The following SGCZ variants were observed in gnomAD, a reference collection of about 807,000 sequenced individuals.
SGCZ encodes the protein sarcoglycan zeta.
A neutral mutation model predicts 41.3 loss-of-function variants in SGCZ; 40 were observed. The observed-to-expected ratio is 0.97, with a 90% confidence interval of 0.75 to 1.26. The LOEUF (loss-of-function observed/expected upper bound fraction) is 1.26, where lower values mean the gene tolerates loss of function less well. Ranked by LOEUF, SGCZ falls within the 50% of genes most tolerant of loss-of-function variation. SGCZ has a pLI of 0.00. For missense variants in SGCZ, 552 were observed against 369.8 expected, an observed-to-expected ratio of 1.49 and a Z score of -4.04; for synonymous variants, 206 against 137.5, an observed-to-expected ratio of 1.50 and a Z score of -3.49.
intron 2 of SGCZ, among the ~76,000 whole-genome samples, chr8:14,491,357 C>G (rs2117029993): frequency 6.6e-6 from 1 of 151,568 alleles, no homozygotes; most frequent in South Asian, 2.1e-4. Context: ...AGGGATCTCT[C>G]AGTGTATTAC....
intron 1 of SGCZ, among the ~76,000 whole-genome samples, chr8:15,066,810 G>T (rs1386921107): frequency 6.6e-6 from 1 of 152,112 alleles, no homozygotes; most frequent in Non-Finnish European, 1.5e-5. Context: ...CAGAAAAGTT[G>T]ACACTAAGCC....
chr8:15,050,645 C>T (rs368680295), intron 1 of SGCZ, among the ~76,000 whole-genome samples: 1 of 152,200 alleles, frequency 6.6e-6, no homozygotes, highest in East Asian at 1.9e-4. Context: ...TGGAGGTCAA[C>T]CTTTCATCAG....
chr8:14,512,025 T>A lies in SGCZ; in HGVS notation c.234+42707A>T, dbSNP rs928622540. ...TTAGGGTTTTAAACATAGGGCAACATTCTTGGATGTGAAATTTTCTAGACT... is the reference window on the plus strand; with the variant it reads ...TTAGGGTTTTAAACATAGGGCAACAATCTTGGATGTGAAATTTTCTAGACT... On this transcript the variant is annotated intron_variant, in intron 2 of 7. Transcript: ENST00000382080. Among the ~76,000 whole-genome samples the A allele has an allele frequency of 2.0e-5, 3 of 152,172 alleles. No homozygotes were observed. The South Asian group carries it at 6.2e-4, about 32-fold the overall frequency.
chr8:14,789,144 T>C (rs2130462184), intron 1 of SGCZ, among the ~76,000 whole-genome samples: 1 of 152,222 alleles, frequency 6.6e-6, no homozygotes, highest in Admixed American at 6.5e-5. Context: ...CTGTTGTGTT[T>C]ACAAACACTG....
chr8:14,148,084 G>A (rs1055629868), intron 5 of SGCZ, among the ~76,000 whole-genome samples: 1 of 151,948 alleles, frequency 6.6e-6, no homozygotes, highest in Non-Finnish European at 1.5e-5. Context: ...ATAGATATAA[G>A]TGCCTTTATC....
rs142604801 is a variant in SGCZ at position 14,305,166 on chromosome 8, G to A, written c.336+18937C>T. ...ATTTTAATATAACATTAAGTCAAAT[G>A]TTAAGTCTTTATAGGGCAATCAATG... On this transcript the variant is annotated intron_variant, in intron 3 of 7. Coordinates refer to ENST00000382080, the MANE Select transcript of SGCZ (RefSeq NM_139167.4). Among the ~76,000 whole-genome samples, 1,079 of 152,164 alleles carry A rather than the reference G, an allele frequency of 7.1e-3. 16 individuals are homozygous for A. Among genetic ancestry groups the A allele is most frequent in the African/African-American group, 0.025 (1,029 of 41,528 alleles).
rs531230834 is a variant in SGCZ at position 14,762,032 on chromosome 8, G to A, written c.40-207106C>T. 2.8e-4 allele frequency among the ~76,000 whole-genome samples: 42 copies of A among 152,300 alleles called. No individual in the cohort carries two copies. In the Middle Eastern group the frequency reaches 0.01, roughly 37 times the overall value. On this transcript the variant is annotated intron_variant, in intron 1 of 7. Coordinates refer to ENST00000382080, the MANE Select transcript of SGCZ (RefSeq NM_139167.4). ...AATGGAAAGTTTTTCTCAGGTGACA[G>A]TAGGTGTTGTGAATGAATAGCAAAT...
At chr8:14,311,854 T>G (rs1801556647) in intron 3 of SGCZ, among the ~76,000 whole-genome samples, 1 of 152,172 alleles carries the variant, frequency 6.6e-6, no homozygotes, top group Non-Finnish European at 1.5e-5. Context: ...ACTGGGCACT[T>G]AATATATAAG....
At chr8:15,154,481 G>A (rs756705240) in intron 1 of SGCZ, among the ~76,000 whole-genome samples, 4 of 152,200 alleles carry the variant, frequency 2.6e-5, no homozygotes, top group Non-Finnish European at 5.9e-5. Flanking sequence ...AGGGTCACCA[G>A]AGAGGGGACA....
At chr8:14,319,817 A>G (rs370436653) in intron 3 of SGCZ, among the ~76,000 whole-genome samples, 89 of 152,168 alleles carry the variant, frequency 5.8e-4, no homozygotes, top group African/African-American at 1.6e-3. Flanking sequence ...ATCATCTCCA[A>G]TCACACTGCA....
At chr8:15,088,992 C>T (rs1298478227) in intron 1 of SGCZ, among the ~76,000 whole-genome samples, 1 of 152,136 alleles carries the variant, frequency 6.6e-6, no homozygotes, top group Admixed American at 6.6e-5. Context: ...ACAGTAAACA[C>T]CATCCTTTAA....
intron 5 of SGCZ, among the ~76,000 whole-genome samples, chr8:14,123,441 T>A (rs1378690424): frequency 6.6e-6 from 1 of 152,186 alleles, no homozygotes; most frequent in African/African-American, 2.4e-5. Flanking sequence ...ATGATTACTA[T>A]ACTTAATATA....
At chr8:14,421,815 A>C (rs1381295426) in intron 2 of SGCZ, among the ~76,000 whole-genome samples, 2 of 152,156 alleles carry the variant, frequency 1.3e-5, no homozygotes, top group Non-Finnish European at 2.9e-5. Flanking sequence ...ATATATACTA[A>C]ATTTTATAAT....
At chr8:14,719,199 C>A (rs1197979581) in intron 1 of SGCZ, among the ~76,000 whole-genome samples, 2 of 149,636 alleles carry the variant, frequency 1.3e-5, no homozygotes, top group African/African-American at 5.0e-5. Context: ...TTTTTTATGG[C>A]TGCATAGTAT....
intron 4 of SGCZ, among the ~76,000 whole-genome samples, chr8:14,193,366 T>G (rs1347061449): frequency 6.6e-6 from 1 of 151,866 alleles, no homozygotes; most frequent in Admixed American, 6.6e-5. Context: ...CCATTGTTTT[T>G]CATGTAACAG....
chr8:14,809,181 G>C (rs1056965494), intron 1 of SGCZ, among the ~76,000 whole-genome samples: 1 of 152,000 alleles, frequency 6.6e-6, no homozygotes, highest in Non-Finnish European at 1.5e-5. Flanking sequence ...GTATACATAT[G>C]TAACTAAGCT....
At chr8:14,227,047 A>C (rs926215547) in intron 4 of SGCZ, among the ~76,000 whole-genome samples, 1 of 152,082 alleles carries the variant, frequency 6.6e-6, no homozygotes, top group African/African-American at 2.4e-5. Context: ...TGATTCAATT[A>C]GTAGCTCACA....
At chr8:15,078,973 T>C (rs1170524352) in intron 1 of SGCZ, among the ~76,000 whole-genome samples, 1 of 152,170 alleles carries the variant, frequency 6.6e-6, no homozygotes, top group African/African-American at 2.4e-5. Context: ...TTAAGTATCC[T>C]AATATATACA....
At chr8:14,784,376 C>G (rs1366811542) in intron 1 of SGCZ, among the ~76,000 whole-genome samples, 1 of 148,954 alleles carries the variant, frequency 6.7e-6, no homozygotes, top group African/African-American at 2.5e-5. Context: ...TATATATATG[C>G]ATCTTATACA....
Sources: gnomAD v4.1 joint callset for allele counts (sites outside exome capture counted in the v4.1 genomes callset) on GRCh38, gnomAD v4.1.1 for gene constraint, MANE v1.5 for transcripts, NCBI Gene and HGNC (gene_info 2026-07-23, HGNC 2026-07-21) for gene names.